Variants in GPM6A observed in about 807,000 individuals in gnomAD.
GPM6A encodes neuronal membrane glycoprotein M6-a.
GPM6A carries 7 observed loss-of-function variants against 32.1 expected under a neutral mutation model. The ratio of observed to expected loss-of-function variants is 0.22; its 90% CI spans 0.12 to 0.41. GPM6A has a LOEUF of 0.41. GPM6A is among the 10% of genes least tolerant of loss of function. The probability of loss-of-function intolerance (pLI) is 1.00; values close to 1 mark genes in which losing one functional copy is unlikely to be tolerated. For synonymous variants in GPM6A, 130 were observed against 123.4 expected, an observed-to-expected ratio of 1.05 and a Z score of -0.35; for missense variants, 235 against 347.2, an observed-to-expected ratio of 0.68 and a Z score of 2.57.
chr4:175,904,197 A>G (rs1293440378), intron 1 of GPM6A, among the ~76,000 whole-genome samples: 2 of 152,160 alleles, frequency 1.3e-5, no homozygotes, highest in Admixed American at 6.6e-5. Context: ...TCCATGAAAG[A>G]CACTATTTAC....
intron 1 of GPM6A, among the ~76,000 whole-genome samples, chr4:175,749,211 AG>A (rs34314997): frequency 0.3 from 46,281 of 151,952 alleles, 7,622 homozygotes; most frequent in Admixed American, 0.4. Flanking sequence ...GCCAAAAAAA[AG>A]GTAATGGCAA....
In GPM6A at chr4:175,940,678, G is replaced by A. The variant is rs569092685; in HGVS notation, c.-23+61631C>T. 4.6e-5 allele frequency among the ~76,000 whole-genome samples: 7 copies of A among 151,662 alleles called. No individual in the cohort carries two copies. The South Asian group carries it at 1.0e-3, about 23-fold the overall frequency. ...CTGGAGAGTGCAGTGGTGCGATCTC[G>A]GCTCACTGCAACCTCCGCCTCCTAG... On this transcript the variant is annotated intron_variant, in intron 1 of 7. Transcript: ENST00000280187.
intron 4 of GPM6A, 200 bp from the exon 5 acceptor site, chr4:175,641,029 C>G: frequency 3.7e-6 from 2 of 540,976 alleles, no homozygotes; most frequent in South Asian, 4.9e-5. Flanking sequence ...ACTATTTAGC[C>G]CTCAAGCAAT....
At chr4:175,994,080 A>G (rs1306780981) in intron 1 of GPM6A, among the ~76,000 whole-genome samples, 1 of 152,212 alleles carries the variant, frequency 6.6e-6, no homozygotes, top group East Asian at 1.9e-4. Context: ...AGGGACAGCT[A>G]GGTGAAGACA....
At chr4:175,762,697 C>T (rs570374937) in intron 1 of GPM6A, among the ~76,000 whole-genome samples, 4 of 152,236 alleles carry the variant, frequency 2.6e-5, no homozygotes, top group South Asian at 4.1e-4. Flanking sequence ...AAAACAAGAA[C>T]ATATGCGCAT....
intron 1 of GPM6A, among the ~76,000 whole-genome samples, chr4:175,974,229 C>CTAAA (rs562981021): frequency 1.7e-3 from 264 of 151,940 alleles, no homozygotes; most frequent in African/African-American, 5.6e-3. Flanking sequence ...GACTTTGTCT[C>CTAAA]TAAATAAATA....
At chr4:175,981,567 C>A (rs1220711275) in intron 1 of GPM6A, among the ~76,000 whole-genome samples, 1 of 152,128 alleles carries the variant, frequency 6.6e-6, no homozygotes, top group African/African-American at 2.4e-5. Flanking sequence ...TTGAGAGTTT[C>A]TTCATTCTTT....
At chr4:175,637,111 A>T (rs1281302782) in intron 6 of GPM6A, among the ~76,000 whole-genome samples, 2 of 128,640 alleles carry the variant, frequency 1.6e-5, no homozygotes, top group African/African-American at 5.9e-5. Flanking sequence ...AATATATTAT[A>T]TGTGATATAT....
intron 1 of GPM6A, among the ~76,000 whole-genome samples, chr4:175,710,109 T>C (rs755531306): frequency 3.4e-4 from 52 of 152,324 alleles, no homozygotes; most frequent in Non-Finnish European, 5.3e-4. Flanking sequence ...TCATAATAAG[T>C]AAAGCTGAAG....
At chr4:175,981,011 T>C (rs892295307) in intron 1 of GPM6A, among the ~76,000 whole-genome samples, 1 of 152,182 alleles carries the variant, frequency 6.6e-6, no homozygotes, top group East Asian at 1.9e-4. Flanking sequence ...GTACATTGTA[T>C]GAAACTGAAG....
intron 1 of GPM6A, among the ~76,000 whole-genome samples, chr4:175,704,707 G>A (rs891197257): frequency 1.6e-4 from 24 of 152,056 alleles, no homozygotes; most frequent in Admixed American, 2.6e-4. Flanking sequence ...CACTGTTCTC[G>A]AAGGATTTGA....
intron 1 of GPM6A, among the ~76,000 whole-genome samples, chr4:175,858,026 C>G (rs553482467): frequency 6.6e-6 from 1 of 152,220 alleles, no homozygotes; most frequent in South Asian, 2.1e-4. Context: ...GAACCACACA[C>G]TTGAAAACTA....
At chr4:175,759,280 CAG>C (rs1732648240) in intron 1 of GPM6A, among the ~76,000 whole-genome samples, 2 of 151,186 alleles carry the variant, frequency 1.3e-5, no homozygotes, top group African/African-American at 4.9e-5. Flanking sequence ...CCAAACTAAA[CAG>C]GGGTTTGAGG....
intron 1 of GPM6A, among the ~76,000 whole-genome samples, chr4:175,862,529 C>T (rs2111422929): frequency 6.6e-6 from 1 of 152,318 alleles, no homozygotes; most frequent in South Asian, 2.1e-4. Context: ...TTAATCCAAT[C>T]TATTGCTGTG....
intron 1 of GPM6A, among the ~76,000 whole-genome samples, chr4:175,726,814 G>C (rs755986078): frequency 6.6e-6 from 1 of 152,120 alleles, no homozygotes; most frequent in Non-Finnish European, 1.5e-5. Context: ...CAGCCAACAT[G>C]GTGAAACCCC....
intron 1 of GPM6A, among the ~76,000 whole-genome samples, chr4:175,906,099 C>T (rs1253681561): frequency 6.6e-6 from 1 of 152,062 alleles, no homozygotes; most frequent in Non-Finnish European, 1.5e-5. Flanking sequence ...GTGCTTAACA[C>T]CATCAAATTC....
At chr4:175,989,275 A>C (rs2126457056) in intron 1 of GPM6A, among the ~76,000 whole-genome samples, 1 of 152,308 alleles carries the variant, frequency 6.6e-6, no homozygotes, top group African/African-American at 2.4e-5. Context: ...GTAAAAGATA[A>C]GAGAGAACTG....
intron 1 of GPM6A, among the ~76,000 whole-genome samples, chr4:175,827,635 G>A (rs1348307479): frequency 6.6e-6 from 1 of 152,100 alleles, no homozygotes; most frequent in Non-Finnish European, 1.5e-5. Flanking sequence ...TTCTCATTGC[G>A]CACAAGCCTT....
At position 175,838,090 on chromosome 4, in the gene GPM6A, A is replaced by AACACACAC. The variant is rs763166079; in HGVS notation, c.-22-25849_-22-25842dup. On this transcript the variant is annotated intron_variant, in intron 1 of 7. Coordinates refer to the GPM6A transcript ENST00000280187. ...TAGCCGTTCAGTAGGCCTTGGTTAA[A>AACACACAC]ACACACACACACACACACACAGACA... 7.7e-4 allele frequency among the ~76,000 whole-genome samples: 88 copies of AACACACAC among 114,960 alleles called. No individual in the cohort carries two copies. In the South Asian group the frequency reaches 0.012, roughly 16 times the overall value. 75.4% of individuals were successfully genotyped at this position (114,960 alleles called of 152,430 possible). A position where few individuals can be genotyped will look rare whatever the true frequency, so the allele number is the denominator to read the frequency against.
Sources: allele counts gnomAD v4.1 joint callset (sites outside exome capture counted in the v4.1 genomes callset), GRCh38; gene constraint gnomAD v4.1.1; transcripts MANE v1.5; gene names NCBI Gene and HGNC (gene_info 2026-07-23, HGNC 2026-07-21).